The following NKAIN3 variants were observed in gnomAD, a reference collection of about 807,000 sequenced individuals.
NKAIN3 encodes the protein sodium/potassium-transporting ATPase subunit beta-1-interacting protein 3.
In NKAIN3, 25 loss-of-function variants were observed where a neutral mutation model predicts 30.2. That is an observed-to-expected ratio of 0.83 (90% CI 0.60 to 1.16). NKAIN3 has a LOEUF of 1.16. Among genes scored for constraint, NKAIN3 ranks in the 50% most tolerant of loss-of-function variants. NKAIN3 has a pLI of 0.00. For missense variants in NKAIN3, 225 were observed against 254.1 expected, an observed-to-expected ratio of 0.89 and a Z score of 0.78; for synonymous variants, 91 against 89.6, an observed-to-expected ratio of 1.02 and a Z score of -0.09.
intron 4 of NKAIN3, among the ~76,000 whole-genome samples, chr8:62,783,784 A>G (rs189781621): frequency 6.6e-6 from 1 of 151,778 alleles, no homozygotes; most frequent in Non-Finnish European, 1.5e-5. Context: ...CACCACATGC[A>G]GCTAAATTTT....
chr8:62,833,888 G>T (rs1819275567), intron 4 of NKAIN3, among the ~76,000 whole-genome samples: 3 of 151,906 alleles, frequency 2.0e-5, no homozygotes, highest in South Asian at 4.1e-4. Context: ...AAAACTACAG[G>T]TCAATATTAC....
intron 5 of NKAIN3, among the ~76,000 whole-genome samples, chr8:62,944,501 A>G (rs1426573296): frequency 1.3e-5 from 2 of 152,176 alleles, no homozygotes; most frequent in Non-Finnish European, 2.9e-5. Flanking sequence ...TTGGTAGTTT[A>G]TAATATTGAG....
chr8:62,723,930 TTTCTAAC>T (rs1815175701), intron 3 of NKAIN3, among the ~76,000 whole-genome samples: 6 of 152,156 alleles, frequency 3.9e-5, no homozygotes, highest in Admixed American at 3.9e-4. Context: ...CTACAGATTT[TTTCTAAC>T]TTCTTACTGT....
chr8:62,576,598 A>C (rs827683), intron 1 of NKAIN3, among the ~76,000 whole-genome samples: 30,908 of 152,060 alleles, frequency 0.2, 3,270 homozygotes, highest in East Asian at 0.31. Context: ...GCAGGTAAAA[A>C]TTTAACATAG....
chr8:62,863,302 G>A, intron 4 of NKAIN3: 14 of 1,550,112 alleles, frequency 9.0e-6, no homozygotes, highest in Non-Finnish European at 1.1e-5. Context: ...CGTACTCACT[G>A]CAGACCCTGA....
chr8:62,582,431 C>T (rs530146585), intron 2 of NKAIN3, among the ~76,000 whole-genome samples: 5 of 152,148 alleles, frequency 3.3e-5, no homozygotes, highest in South Asian at 4.2e-4. Context: ...ATAAGTGATA[C>T]GAAGGAGCAC....
chr8:62,744,805 C>T (rs867332998), intron 3 of NKAIN3, among the ~76,000 whole-genome samples: 3 of 152,042 alleles, frequency 2.0e-5, no homozygotes, highest in African/African-American at 7.2e-5. Context: ...AGTAGCAAAC[C>T]AACAACCAAA....
intron 3 of NKAIN3, among the ~76,000 whole-genome samples, chr8:62,632,474 T>C (rs1260313788): frequency 4.6e-5 from 7 of 152,160 alleles, no homozygotes; most frequent in South Asian, 4.1e-4. Context: ...GTTATTTGAA[T>C]AGTAATCTTT....
chr8:62,335,267 A>C (rs1171110354), intron 1 of NKAIN3, among the ~76,000 whole-genome samples: 2 of 151,892 alleles, frequency 1.3e-5, no homozygotes, highest in African/African-American at 2.4e-5. Flanking sequence ...CTTTATTAAA[A>C]ATACAAAAAT....
intron 3 of NKAIN3, among the ~76,000 whole-genome samples, chr8:62,602,787 T>G (rs888302952): frequency 1.3e-5 from 2 of 152,136 alleles, no homozygotes; most frequent in African/African-American, 4.8e-5. Flanking sequence ...TGGCCTCTGC[T>G]GATGAATCTC....
At chr8:62,683,992 T>G (rs764476551) in intron 3 of NKAIN3, among the ~76,000 whole-genome samples, 2 of 152,208 alleles carry the variant, frequency 1.3e-5, no homozygotes, top group Non-Finnish European at 2.9e-5. Flanking sequence ...TGCTTCCATG[T>G]GAGATTTAGC....
At chr8:62,801,985 G>T (rs1412062283) in intron 4 of NKAIN3, among the ~76,000 whole-genome samples, 1 of 152,182 alleles carries the variant, frequency 6.6e-6, no homozygotes, top group Non-Finnish European at 1.5e-5. Flanking sequence ...GAAGCCTCAG[G>T]AGCTGATGTG....
intron 4 of NKAIN3, among the ~76,000 whole-genome samples, chr8:62,767,446 GAC>G (rs771643467): frequency 6.6e-6 from 1 of 152,164 alleles, no homozygotes; most frequent in Admixed American, 6.6e-5. Context: ...AAAACAGAGA[GAC>G]ACACGCAGAT....
At chr8:62,765,634 C>G (rs1007651982) in intron 4 of NKAIN3, among the ~76,000 whole-genome samples, 1 of 152,168 alleles carries the variant, frequency 6.6e-6, no homozygotes, top group Non-Finnish European at 1.5e-5. Context: ...AAGTTAATTA[C>G]ATTACCTTGG....
intron 1 of NKAIN3, among the ~76,000 whole-genome samples, chr8:62,287,359 A>G (rs541561196): frequency 6.4e-4 from 97 of 152,116 alleles, no homozygotes; most frequent in African/African-American, 2.3e-3. Flanking sequence ...CGCTGACCTC[A>G]CATCCTGGTT....
intron 3 of NKAIN3, among the ~76,000 whole-genome samples, chr8:62,688,741 GACAC>G (rs375008096): frequency 0.012 from 1,366 of 116,478 alleles, 11 homozygotes; most frequent in African/African-American, 0.028. Context: ...CAGACAGACA[GACAC>G]ACACACACAC....
intron 4 of NKAIN3, among the ~76,000 whole-genome samples, chr8:62,860,396 G>A (rs1820204099): frequency 6.6e-6 from 1 of 152,070 alleles, no homozygotes; most frequent in African/African-American, 2.4e-5. Context: ...CTCACTCAAG[G>A]GGCTGTTGAA....
intron 4 of NKAIN3, among the ~76,000 whole-genome samples, chr8:62,838,243 G>A (rs1476572992): frequency 6.6e-6 from 1 of 151,452 alleles, no homozygotes; most frequent in African/African-American, 2.4e-5. Flanking sequence ...ATTAACTCAT[G>A]TTTAATTAAG....
At chr8:62,372,963 C>A (rs1263616863) in intron 1 of NKAIN3, among the ~76,000 whole-genome samples, 1 of 152,102 alleles carries the variant, frequency 6.6e-6, no homozygotes, top group Non-Finnish European at 1.5e-5. Context: ...GCAGGACAAG[C>A]AAATTCTGCA....
Sources: gnomAD v4.1 joint callset for allele counts (sites outside exome capture counted in the v4.1 genomes callset) on GRCh38, gnomAD v4.1.1 for gene constraint, MANE v1.5 for transcripts, NCBI Gene and HGNC (gene_info 2026-07-23, HGNC 2026-07-21) for gene names.